The following CUL4B variants were observed in gnomAD, a reference collection of about 807,000 sequenced individuals.
CUL4B encodes the protein cullin-4B.
In CUL4B, 1 loss-of-function variant was observed where a neutral mutation model predicts 69.2. The ratio of observed to expected loss-of-function variants is 0.01; its 90% CI spans 0.01 to 0.07. CUL4B has a LOEUF of 0.07. Among genes scored for constraint, CUL4B ranks in the 10% least tolerant of loss-of-function variants. The pLI is 1.00. For missense variants in CUL4B, 328 were observed against 638.8 expected (o/e 0.51, Z 5.24); for synonymous variants, 237 against 223.2 (o/e 1.06, Z -0.55).
chrX:120,561,278 C>G, upstream of CUL4B: 1 of 533,393 alleles, frequency 1.9e-6, no homozygotes, highest in Non-Finnish European at 3.4e-6. Context: ...TCGCGATCCC[C>G]TTTCCTGGCA....
chrX:120,560,464 C>T lies in CUL4B; in HGVS notation c.175G>A (p.Asp59Asn), dbSNP rs1925221145. The change falls in exon 1 of 20, where the codon GAT becomes AAT. Residue 59 changes from aspartate to asparagine, a missense_variant. Around this residue, in one of 4 missense-constraint regions of CUL4B, gnomAD observed 102 missense variants for 122.1 expected, o/e 0.84. Transcript: ENST00000371322. Reference sequence around the variant, plus strand: ...GTGGAAGAGGAGGAAGAGGTGGAATCAAAGTCTTCTCTCTCGTTACTACTG... The same window carrying T: ...GTGGAAGAGGAGGAAGAGGTGGAATTAAAGTCTTCTCTCTCGTTACTACTG... ...SNSSNEREDF[D>N]STSSSSSTPP... 9 of 1,210,229 alleles carry T rather than the reference C, an allele frequency of 7.4e-6. No homozygotes were observed. The highest frequency in any genetic ancestry group is 1.0e-5 in the Non-Finnish European group (9 of 894,343).
chrX:120,533,833 C>T (rs1343224746), intron 17 of CUL4B, among the ~76,000 whole-genome samples: 4 of 109,501 alleles, frequency 3.7e-5, no homozygotes, highest in South Asian at 7.8e-4. Context: ...TTTGGTAGGC[C>T]GAGGCAGGCG....
downstream of CUL4B, among the ~76,000 whole-genome samples, chrX:120,569,749 G>A (rs1272333681): frequency 9.0e-6 from 1 of 111,643 alleles, no homozygotes; most frequent in East Asian, 2.8e-4. Flanking sequence ...GAACGCAGAG[G>A]TGGGACACCT....
In CUL4B at chrX:120,543,180, G is replaced by T. The variant is rs150132567; in HGVS notation, c.1257-147C>A. The T allele has an allele frequency of 8.6e-4, 373 of 433,101 alleles. 1 individual carries two copies. The highest frequency in any genetic ancestry group is 8.0e-3 in the African/African-American group (321 of 39,933). 35.7% of individuals were successfully genotyped at this position (433,101 alleles called of 1,213,427 possible). On this transcript the variant is annotated intron_variant, in intron 8 of 19. Coordinates refer to ENST00000371322, the MANE Select transcript of CUL4B (RefSeq NM_001079872.2). ...CTATGTATAAATTTATTGGTGCTCA[G>T]AGTTACTATACTTTATGCCTAAAAG...
intron 2 of CUL4B, among the ~76,000 whole-genome samples, chrX:120,554,631 ATAC>A (rs1924866569): frequency 1.8e-5 from 2 of 112,533 alleles, no homozygotes; most frequent in South Asian, 7.2e-4. Context: ...AGGGACTTCC[ATAC>A]TTAAAGCTTT....
chrX:120,565,593 A>G (rs1451341166), upstream of CUL4B, among the ~76,000 whole-genome samples: 1 of 92,068 alleles, frequency 1.1e-5, no homozygotes, highest in Non-Finnish European at 2.1e-5. Flanking sequence ...GAAGTAGGAG[A>G]ATTGTTTGAA....
At chrX:120,540,797 C>T (rs770289640) in intron 10 of CUL4B, among the ~76,000 whole-genome samples, 1 of 112,001 alleles carries the variant, frequency 8.9e-6, no homozygotes, top group South Asian at 3.7e-4. Flanking sequence ...ACCACTGCAC[C>T]TGGCAAAATA....
chrX:120,551,735 C>T (rs888196250), intron 2 of CUL4B, among the ~76,000 whole-genome samples: 2 of 112,252 alleles, frequency 1.8e-5, no homozygotes, highest in African/African-American at 3.2e-5. Context: ...TATTTCATTT[C>T]TTTTTAAAAA....
At chrX:120,549,291 C>T (rs747332350) in intron 2 of CUL4B, among the ~76,000 whole-genome samples, 2 of 112,310 alleles carry the variant, frequency 1.8e-5, no homozygotes, top group East Asian at 2.8e-4. Flanking sequence ...CGGTGGCTCA[C>T]GCCTGTAATC....
intron 19 of CUL4B, among the ~76,000 whole-genome samples, chrX:120,529,686 ATC>A (rs1264284430): frequency 8.9e-6 from 1 of 111,743 alleles, no homozygotes; most frequent in Non-Finnish European, 1.9e-5. Context: ...TTAACAGATG[ATC>A]TCTTATATAA....
chrX:120,543,819 T>C lies in CUL4B; in HGVS notation c.1174-10A>G, dbSNP rs1263306153. The C allele has an allele frequency of 2.6e-6, 3 of 1,139,202 alleles. No homozygotes were observed. Among genetic ancestry groups the C allele is most frequent in the Non-Finnish European group, 3.6e-6 (3 of 831,497 alleles). 93.9% of individuals were successfully genotyped at this position (1,139,202 alleles called of 1,213,427 possible). On this transcript the variant is annotated splice_polypyrimidine_tract_variant and intron_variant, in intron 7 of 19. Transcript: ENST00000371322. ...GTAGATATTCAGGAACCTACAAAGA[T>C]AGTTTTTTACATTATTGTTTTCCTC...
chrX:120,551,544 TC>T (rs1353805747), intron 2 of CUL4B, among the ~76,000 whole-genome samples: 1 of 111,578 alleles, frequency 9.0e-6, no homozygotes, highest in South Asian at 3.7e-4. Flanking sequence ...ACTCTACTTT[TC>T]TCACCTTTAG....
intron 4 of CUL4B, among the ~76,000 whole-genome samples, chrX:120,546,058 C>T (rs763226297): frequency 1.8e-5 from 2 of 111,006 alleles, no homozygotes; most frequent in South Asian, 7.5e-4. Context: ...GAGTGACAGA[C>T]GAAATGTAGC....
upstream of CUL4B, chrX:120,561,284 T>A (rs751904516): frequency 2.3e-4 from 124 of 532,784 alleles, no homozygotes; most frequent in Admixed American, 1.7e-3. Context: ...TCCCCTTTCC[T>A]GGCAGCGCCT....
intron 15 of CUL4B, among the ~76,000 whole-genome samples, 190 bp from the exon 16 acceptor site, chrX:120,536,133 C>T (rs1923657834): frequency 8.9e-6 from 1 of 112,800 alleles, no homozygotes. Context: ...AGGATTTATA[C>T]CTTTTGCTCT....
chrX:120,562,558 A>G (rs1465324073), upstream of CUL4B, among the ~76,000 whole-genome samples: 3 of 112,176 alleles, frequency 2.7e-5, no homozygotes, highest in Non-Finnish European at 5.6e-5. Context: ...TATGACATAT[A>G]TACAAAGTGC....
At chrX:120,537,063 A>G in intron 14 of CUL4B, 29 bp from the exon 15 acceptor site, 1 of 987,105 alleles carries the variant, frequency 1.0e-6, no homozygotes, top group African/African-American at 1.9e-5. Context: ...ACACACTGAG[A>G]TCTTAAAACT....
Position 120,571,883 on chromosome X carries a change from TG to T in CUL4B, c.*85del, listed in dbSNP as rs1925721187. 3.6e-5 allele frequency: 4 copies of T among 110,848 alleles called. No homozygotes were observed. The Admixed American group carries it at 3.9e-4, about 11-fold the overall frequency. The allele number at this position is 110,848 out of a possible 1,213,427, so 9.1% of individuals were successfully genotyped here. A position where few individuals can be genotyped will look rare whatever the true frequency, so the allele number is the denominator to read the frequency against. On this transcript the variant is annotated 3_prime_UTR_variant, in exon 3 of 3. Transcript: ENST00000486604. Reference sequence around the variant, plus strand: ...TTTGTATCTGTGGGTTCCGCAGAGCTGACTGTGGGAGTTGAATATGCACCGA... The same window carrying T: ...TTTGTATCTGTGGGTTCCGCAGAGCTACTGTGGGAGTTGAATATGCACCGA...
At position 120,530,082 on chromosome X, in the gene CUL4B, G is replaced by A; in HGVS notation, c.2592+20C>T. 1 of 1,199,544 alleles carries A rather than the reference G, an allele frequency of 8.3e-7. No individual in the cohort carries two copies. The highest frequency in any genetic ancestry group is 2.3e-4 in the Middle Eastern group (1 of 4,296). ...CTTTTATTTATAACACGCTCAATAG[G>A]AAAACACAGAAGTACCTACCTTTAC... On this transcript the variant is annotated intron_variant, in intron 19 of 19. Transcript: ENST00000371322.
Sources: gnomAD v4.1 joint callset for allele counts (sites outside exome capture counted in the v4.1 genomes callset) on GRCh38, gnomAD v4.1.1 for gene constraint, gnomAD v4.1.1 regional missense constraint, MANE v1.5 for transcripts, NCBI Gene and HGNC (gene_info 2026-07-23, HGNC 2026-07-21) for gene names.